The following NAV2 variants were observed in gnomAD, a reference collection of about 807,000 sequenced individuals.
NAV2 encodes helicase, APC down-regulated 1.
Under a neutral mutation model 223.2 loss-of-function variants are expected in NAV2, and 54 were observed. The observed-to-expected ratio is 0.24, with a 90% confidence interval of 0.19 to 0.30. The LOEUF is 0.30. NAV2 is among the 10% of genes least tolerant of loss of function. The pLI is 1.00. For synonymous variants in NAV2, 1,279 were observed against 1,239.3 expected, an observed-to-expected ratio of 1.03 and a Z score of -0.67; for missense variants, 2,806 against 3,147.5, an observed-to-expected ratio of 0.89 and a Z score of 2.60.
chr11:19,756,161 A>G (rs1353000683), intron 1 of NAV2, among the ~76,000 whole-genome samples: 1 of 152,112 alleles, frequency 6.6e-6, no homozygotes, highest in Non-Finnish European at 1.5e-5. Context: ...GCAAGGAATG[A>G]ATCTGTGGGT....
chr11:19,847,008 A>T (rs1384262655), intron 3 of NAV2, among the ~76,000 whole-genome samples: 1 of 152,116 alleles, frequency 6.6e-6, no homozygotes, highest in Non-Finnish European at 1.5e-5. Flanking sequence ...GCCCTTAAAT[A>T]AGTTTGCGTG....
At chr11:19,625,423 A>G (rs2047139197) in intron 1 of NAV2, among the ~76,000 whole-genome samples, 1 of 152,180 alleles carries the variant, frequency 6.6e-6, no homozygotes. Context: ...TCCATGTTGT[A>G]TATATACCAC....
At chr11:20,099,588 T>G (rs1164452071) in intron 31 of NAV2, among the ~76,000 whole-genome samples, 1 of 152,186 alleles carries the variant, frequency 6.6e-6, no homozygotes. Flanking sequence ...CACCTGACTC[T>G]TCTCTTTCCT....
At chr11:19,462,317 A>G (rs1195073684) in intron 1 of NAV2, among the ~76,000 whole-genome samples, 2 of 152,180 alleles carry the variant, frequency 1.3e-5, no homozygotes, top group African/African-American at 4.8e-5. Flanking sequence ...AGGAGGTACA[A>G]CTACTCCTAA....
chr11:19,733,179 T>A (rs116520000), intron 1 of NAV2, among the ~76,000 whole-genome samples: 1 of 152,216 alleles, frequency 6.6e-6, no homozygotes, highest in South Asian at 2.1e-4. Flanking sequence ...CCCTTGATGG[T>A]TGAAGGTCAG....
At position 19,956,411 on chromosome 11, in the gene NAV2, CTCTA is replaced by C. The variant is rs1260145422; in HGVS notation, c.2645+7335_2645+7338del. 1.2e-3 allele frequency among the ~76,000 whole-genome samples: 184 copies of C among 151,746 alleles called. 1 individual carries two copies. Among genetic ancestry groups the C allele is most frequent in the Middle Eastern group, 3.4e-3 (1 of 294 alleles). On this transcript the variant is annotated intron_variant, in intron 10 of 37. Transcript: ENST00000349880. ...ACACACACACGCTCTCTCTCTCTCT[CTCTA>C]TCTCTCCAGATGCCAATCACAAGTC... is the stretch of plus-strand genomic sequence containing the variant.
intron 1 of NAV2, among the ~76,000 whole-genome samples, chr11:19,655,027 A>G (rs2048079754): frequency 6.6e-6 from 1 of 152,204 alleles, no homozygotes; most frequent in African/African-American, 2.4e-5. Context: ...TCTACAATGA[A>G]CTCCAACAAA....
intron 12 of NAV2, 150 bp from the exon 13 acceptor site, chr11:20,043,831 G>T: frequency 1.6e-6 from 1 of 623,680 alleles, no homozygotes; most frequent in Non-Finnish European, 2.7e-6. Context: ...TTTCTAACAA[G>T]ATAACCAGAG....
chr11:19,693,170 G>A (rs1377634929), intron 1 of NAV2, among the ~76,000 whole-genome samples: 3 of 152,198 alleles, frequency 2.0e-5, no homozygotes, highest in Non-Finnish European at 1.5e-5. Flanking sequence ...AGGGCCCTTG[G>A]TTTCCTCTGT....
rs267602816 is a variant in NAV2 at position 19,934,047 on chromosome 11, G to A, written c.1803G>A (p.Gln601=). ...AGCTGAGCTCAGGACTCCCCCAGCA[G>A]AAGCCCCAGCTGGACGGCAGACACT... ...SGKLSSGLPQ[Q]KPQLDGRHSS... Residue 601 remains glutamine, a synonymous_variant, in exon 7 of 38, where the codon CAG becomes CAA. Transcript: ENST00000349880. 2 of 1,602,614 alleles carry A rather than the reference G, an allele frequency of 1.2e-6. No individual in the cohort carries two copies. Among genetic ancestry groups the A allele is most frequent in the South Asian group, 1.1e-5 (1 of 89,398 alleles).
At chr11:19,860,234 C>T (rs1320271903) in intron 3 of NAV2, among the ~76,000 whole-genome samples, 7 of 144,512 alleles carry the variant, frequency 4.8e-5, no homozygotes, top group African/African-American at 7.8e-5. Context: ...ACTTCCCAGA[C>T]GGGGTGGCTG....
chr11:19,915,422 G>A (rs1470674946), intron 6 of NAV2, among the ~76,000 whole-genome samples: 2 of 152,084 alleles, frequency 1.3e-5, no homozygotes, highest in Non-Finnish European at 2.9e-5. Flanking sequence ...TGGCCTATAA[G>A]ACTCCGTGAG....
chr11:19,408,587 T>C (rs1184057285), intron 1 of NAV2, among the ~76,000 whole-genome samples: 1 of 152,206 alleles, frequency 6.6e-6, no homozygotes, highest in Non-Finnish European at 1.5e-5. Context: ...CAAACTGCAA[T>C]ATACTTACGC....
Position 19,933,503 on chromosome 11 carries a change from CG to C in NAV2, c.1263del (p.Ser422ProfsTer54). 1.2e-6 allele frequency: 2 copies of C among 1,610,680 alleles called. No homozygotes were observed. Among genetic ancestry groups the C allele is most frequent in the Non-Finnish European group, 1.7e-6 (2 of 1,178,604 alleles). On this transcript the variant is annotated frameshift_variant, in exon 7 of 38. Transcript: ENST00000349880. LOFTEE classifies it high-confidence loss of function. This position sits in a 1 kb window ranked among gnomAD's most constrained non-coding sequence, Gnocchi z 4.3. ...SKGGSKAGEG[P>X]GSRDTSCERL... ...GGGGGCTCAAAGGCAGGTGAGGGGCCGGGGTCCCGGGACACAAGCTGTGAGC... is the reference window on the plus strand; with the variant it reads ...GGGGGCTCAAAGGCAGGTGAGGGGCCGGGTCCCGGGACACAAGCTGTGAGC...
intron 12 of NAV2, among the ~76,000 whole-genome samples, chr11:20,036,812 T>C (rs1416484192): frequency 4.2e-4 from 64 of 152,180 alleles, no homozygotes; most frequent in Admixed American, 4.2e-3. Flanking sequence ...CCTGCTCCAG[T>C]GTGCACAGCT....
At chr11:19,897,659 T>C (rs968518002) in intron 6 of NAV2, among the ~76,000 whole-genome samples, 2 of 152,078 alleles carry the variant, frequency 1.3e-5, no homozygotes, top group Non-Finnish European at 2.9e-5. Flanking sequence ...ACACAGTTCA[T>C]GTATAAAAAA....
intron 1 of NAV2, among the ~76,000 whole-genome samples, chr11:19,600,108 C>A (rs992887324): frequency 3.3e-4 from 51 of 152,300 alleles, no homozygotes; most frequent in Middle Eastern, 3.4e-3. Flanking sequence ...CTATAATGGG[C>A]AGCTGGGCTC....
intron 11 of NAV2, among the ~76,000 whole-genome samples, chr11:19,999,328 G>A (rs2052305207): frequency 6.6e-6 from 1 of 152,202 alleles, no homozygotes; most frequent in Non-Finnish European, 1.5e-5. Context: ...CTTCTCTTGT[G>A]GGAGACTGAC....
In NAV2 at chr11:19,933,643, G is replaced by T; in HGVS notation, c.1399G>T (p.Ala467Ser). The T allele has an allele frequency of 6.2e-7, 1 of 1,614,222 alleles. No homozygotes were observed. Among genetic ancestry groups the T allele is most frequent in the Non-Finnish European group, 8.5e-7 (1 of 1,180,048 alleles). ...CCCCAAGATTGCACTCAAGGGCATT[G>T]CCCAGAGGACTTTTAGCCGGGCACT... ...SSPKIALKGI[A>S]QRTFSRALTN... is the part of the protein sequence containing the mutation. Residue 467 changes from alanine (A) to serine (S), a missense_variant, in exon 7 of 38, where the codon GCC (alanine) becomes TCC (serine). By Grantham distance (99) the Ala-to-Ser change is moderately conservative. Transcript: ENST00000349880. This position sits in a 1 kb window ranked among gnomAD's most constrained non-coding sequence, Gnocchi z 4.3.
Sources: gnomAD v4.1 joint callset for allele counts (sites outside exome capture counted in the v4.1 genomes callset) on GRCh38, gnomAD v4.1.1 for gene constraint, Gnocchi (gnomAD v3.1) non-coding constraint, MANE v1.5 for transcripts, NCBI Gene and HGNC (gene_info 2026-07-23, HGNC 2026-07-21) for gene names.